Variants in SCAPER observed in about 807,000 individuals in gnomAD.
SCAPER encodes S-phase cyclin A associated protein in the ER, also known as S phase cyclin A-associated protein in the endoplasmic reticulum.
A neutral mutation model predicts 182.2 loss-of-function variants in SCAPER; 98 were observed. That is an observed-to-expected ratio of 0.54 (90% confidence interval 0.46 to 0.64). The LOEUF is 0.64. Ranked by LOEUF, SCAPER falls within the 30% of genes least tolerant of loss-of-function variation. The pLI is 0.00. For synonymous variants in SCAPER, 605 were observed against 564.6 expected, an observed-to-expected ratio of 1.07 and a Z score of -1.01; for missense variants, 1,432 against 1,690.0, an observed-to-expected ratio of 0.85 and a Z score of 2.68.
At chr15:76,789,731 G>A (rs1488845318) in intron 8 of SCAPER, among the ~76,000 whole-genome samples, 1 of 152,150 alleles carries the variant, frequency 6.6e-6, no homozygotes, top group Non-Finnish European at 1.5e-5. Context: ...TTAGGACAGA[G>A]TACACAAAAC....
chr15:76,615,214 G>C lies in SCAPER; in HGVS notation c.2711+6550C>G, dbSNP rs182870225. Among the ~76,000 whole-genome samples, 62 of 151,976 alleles carry C rather than the reference G, an allele frequency of 4.1e-4. No homozygotes were observed. The East Asian group carries it at 4.5e-3, about 11-fold the overall frequency. On this transcript the variant is annotated intron_variant, in intron 22 of 31. Coordinates refer to ENST00000563290, the MANE Select transcript of SCAPER (RefSeq NM_020843.4). ...GTAATAGCACTTTGGGAGGCTGAGGGGGGGCGGATTGCTTGAGCCCAGGAG... is the reference window on the plus strand; with the variant it reads ...GTAATAGCACTTTGGGAGGCTGAGGCGGGGCGGATTGCTTGAGCCCAGGAG...
At chr15:76,735,218 A>C (rs1598431458) in intron 15 of SCAPER, among the ~76,000 whole-genome samples, 1 of 151,998 alleles carries the variant, frequency 6.6e-6, no homozygotes. Context: ...ATATAGATAT[A>C]TATATTTAGC....
At chr15:76,411,639 A>G (rs1489249386) in intron 26 of SCAPER, among the ~76,000 whole-genome samples, 1 of 152,138 alleles carries the variant, frequency 6.6e-6, no homozygotes, top group African/African-American at 2.4e-5. Flanking sequence ...TTGGGTAAAT[A>G]CCTAAGAGTA....
chr15:76,476,966 T>C (rs1184449123), intron 24 of SCAPER, among the ~76,000 whole-genome samples: 12 of 152,120 alleles, frequency 7.9e-5, no homozygotes, highest in African/African-American at 2.9e-4. Context: ...AGCCATGGTG[T>C]TAATGGGGGG....
At chr15:76,765,694 A>C in intron 11 of SCAPER, 56 bp from the exon 12 acceptor site, 1 of 1,363,774 alleles carries the variant, frequency 7.3e-7, no homozygotes, top group Non-Finnish European at 1.0e-6. Flanking sequence ...TTACAACTTT[A>C]GAAAATGAAC....
chr15:76,521,077 G>A (rs1373603192), intron 23 of SCAPER, among the ~76,000 whole-genome samples: 1 of 152,132 alleles, frequency 6.6e-6, no homozygotes, highest in African/African-American at 2.4e-5. Flanking sequence ...AAGTAGCTAA[G>A]AATAAATGGT....
intron 21 of SCAPER, among the ~76,000 whole-genome samples, chr15:76,645,648 T>C (rs1401416497): frequency 1.3e-5 from 2 of 152,140 alleles, no homozygotes; most frequent in African/African-American, 2.4e-5. Flanking sequence ...TAATACTTAT[T>C]TGTACCTTTC....
intron 26 of SCAPER, among the ~76,000 whole-genome samples, chr15:76,420,472 C>A (rs927308626): frequency 6.6e-6 from 1 of 151,804 alleles, no homozygotes; most frequent in Non-Finnish European, 1.5e-5. Context: ...AATCAACATA[C>A]AAAAATCAGT....
chr15:76,901,504 G>C (rs903794641), intron 1 of SCAPER, among the ~76,000 whole-genome samples: 2 of 151,978 alleles, frequency 1.3e-5, no homozygotes, highest in South Asian at 4.1e-4. Context: ...TTAGTGAGGA[G>C]GTAACTTTTA....
chr15:76,606,917 C>A (rs1172334238), intron 22 of SCAPER, among the ~76,000 whole-genome samples: 1 of 152,242 alleles, frequency 6.6e-6, no homozygotes, highest in Non-Finnish European at 1.5e-5. Flanking sequence ...TATCTCTGCA[C>A]GTGAGATGGG....
intron 21 of SCAPER, among the ~76,000 whole-genome samples, chr15:76,642,622 C>T (rs752961722): frequency 5.9e-5 from 9 of 152,138 alleles, no homozygotes; most frequent in East Asian, 1.9e-4. Flanking sequence ...TTACCAGCAA[C>T]GCACAGATGG....
chr15:76,822,392 G>A (rs967693941), intron 5 of SCAPER, among the ~76,000 whole-genome samples: 7 of 152,166 alleles, frequency 4.6e-5, no homozygotes, highest in African/African-American at 1.7e-4. Flanking sequence ...AATGTTCAAA[G>A]TTTTACCAAC....
At chr15:76,393,310 C>A (rs1404031967) in intron 27 of SCAPER, among the ~76,000 whole-genome samples, 1 of 152,206 alleles carries the variant, frequency 6.6e-6, no homozygotes, top group Non-Finnish European at 1.5e-5. Flanking sequence ...ACATGAAATA[C>A]TCAGCTCAGG....
At chr15:76,824,076 G>A (rs959172844) in intron 5 of SCAPER, among the ~76,000 whole-genome samples, 2 of 152,218 alleles carry the variant, frequency 1.3e-5, no homozygotes, top group South Asian at 2.1e-4. Flanking sequence ...GCTGTAATCC[G>A]AGTCATGTTT....
chr15:76,727,788 A>T (rs570937305), intron 17 of SCAPER, among the ~76,000 whole-genome samples: 95 of 152,196 alleles, frequency 6.2e-4, no homozygotes, highest in African/African-American at 2.2e-3. Flanking sequence ...ACCTATAGGT[A>T]TATTTGCAAT....
At chr15:76,538,759 G>A (rs1054433049) in intron 23 of SCAPER, among the ~76,000 whole-genome samples, 8 of 151,858 alleles carry the variant, frequency 5.3e-5, no homozygotes, top group African/African-American at 1.7e-4. Flanking sequence ...ATGCTTTATC[G>A]ATCATGCCTA....
chr15:76,431,702 A>AACAAAAAAAAAAAC (rs2046878884), intron 26 of SCAPER, among the ~76,000 whole-genome samples: 1 of 131,372 alleles, frequency 7.6e-6, no homozygotes, highest in Non-Finnish European at 1.7e-5. Flanking sequence ...AAAAAAAAAA[A>AACAAAAAAAAAAAC]AATGCTTTGT....
chr15:76,881,748 T>C (rs906200173), intron 2 of SCAPER, among the ~76,000 whole-genome samples: 7 of 152,308 alleles, frequency 4.6e-5, no homozygotes, highest in African/African-American at 1.7e-4. Flanking sequence ...TATTGTTTAA[T>C]GTATAGAGTT....
At chr15:76,482,435 G>C (rs143985644) in intron 24 of SCAPER, among the ~76,000 whole-genome samples, 1 of 152,250 alleles carries the variant, frequency 6.6e-6, no homozygotes, top group African/African-American at 2.4e-5. Flanking sequence ...ATTTAATGAT[G>C]AAAAACCAGA....
Sources: allele counts gnomAD v4.1 joint callset (sites outside exome capture counted in the v4.1 genomes callset), GRCh38; gene constraint gnomAD v4.1.1; transcripts MANE v1.5; gene names NCBI Gene and HGNC (gene_info 2026-07-23, HGNC 2026-07-21).